Variants in MTMR2 observed in about 807,000 individuals in gnomAD.
The protein encoded by MTMR2 is myotubularin related protein 2.
MTMR2 carries 55 observed loss-of-function variants against 86.9 expected under a neutral mutation model. That is an observed-to-expected ratio of 0.63 (90% CI 0.51 to 0.79). The LOEUF is 0.79. Among genes scored for constraint, MTMR2 ranks in the 30% least tolerant of loss-of-function variants. MTMR2 has a pLI of 0.00. For synonymous variants in MTMR2, 241 were observed against 266.8 expected (o/e 0.90, Z 0.94); for missense variants, 659 against 772.3 (o/e 0.85, Z 1.74).
intron 1 of MTMR2, among the ~76,000 whole-genome samples, chr11:95,903,394 T>C (rs1432896233): frequency 6.6e-6 from 1 of 152,150 alleles, no homozygotes; most frequent in African/African-American, 2.4e-5. Context: ...GCTTACTTCA[T>C]AGTACTTACT....
intron 1 of MTMR2, among the ~76,000 whole-genome samples, chr11:95,923,495 A>T (rs1867009038): frequency 6.6e-6 from 1 of 151,826 alleles, no homozygotes; most frequent in African/African-American, 2.4e-5. Flanking sequence ...TGACTTTAGG[A>T]TGGTTTTGGA....
At chr11:95,890,448 T>G (rs991869665) in intron 1 of MTMR2, among the ~76,000 whole-genome samples, 1 of 152,194 alleles carries the variant, frequency 6.6e-6, no homozygotes, top group Admixed American at 6.5e-5. Flanking sequence ...CTCTTCCTTG[T>G]GGCTAGGAGA....
chr11:95,857,614 T>G lies in MTMR2; in HGVS notation c.592A>C (p.Lys198Gln). ...CACCCATTTTCAGGGAATACTTCTTTGTATTCAAAAGCAAAAAGAGGCTAC... is the reference window on the plus strand; with the variant it reads ...CACCCATTTTCAGGGAATACTTCTTGGTATTCAAAAGCAAAAAGAGGCTAC... Reference protein sequence around the residue: ...NNLPLFAFEYKEVFPENGWKL... With the variant: ...NNLPLFAFEYQEVFPENGWKL... Residue 198 changes from lysine to glutamine, a missense_variant, in exon 7 of 15, where the codon AAA (lysine) becomes CAA (glutamine). This residue lies in a region of MTMR2 where 387 missense variants were observed against 526.3 expected (regional missense o/e 0.74). Coordinates refer to ENST00000346299, the MANE Select transcript of MTMR2 (RefSeq NM_016156.6). 6.2e-7 allele frequency: 1 copy of G among 1,611,956 alleles called. No individual in the cohort carries two copies. The highest frequency in any genetic ancestry group is 8.5e-7 in the Non-Finnish European group (1 of 1,178,362).
In MTMR2 at chr11:95,850,668, C is replaced by G; in HGVS notation, c.736G>C (p.Val246Leu). 6.2e-7 allele frequency: 1 copy of G among 1,614,114 alleles called. No homozygotes were observed. The highest frequency in any genetic ancestry group is 8.5e-7 in the Non-Finnish European group (1 of 1,179,970). Residue 246 changes from valine to leucine, a missense_variant, in exon 8 of 15, where the codon GTG becomes CTG. By Grantham distance (32) the Val-to-Leu change is conservative. Coordinates refer to ENST00000346299, the MANE Select transcript of MTMR2 (RefSeq NM_016156.6). ...TCTTCATCAGGAATATTTGCTGGCA[C>G]AACCAGGAGGGCAGGGTATGTATCA... ...LCDTYPALLV[V>L]PANIPDEELK...
At chr11:95,874,546 C>T (rs1173414751) in intron 2 of MTMR2, among the ~76,000 whole-genome samples, 1 of 152,104 alleles carries the variant, frequency 6.6e-6, no homozygotes, top group Non-Finnish European at 1.5e-5. Context: ...GACTCTTTAT[C>T]CAATTTGCCA....
intron 2 of MTMR2, among the ~76,000 whole-genome samples, chr11:95,879,179 G>A (rs987019082): frequency 6.6e-6 from 1 of 152,112 alleles, no homozygotes; most frequent in East Asian, 1.9e-4. Flanking sequence ...AAAAATGTGG[G>A]AGTCATCCAA....
At chr11:95,877,332 C>CTTTTTTTTT (rs764782930) in intron 2 of MTMR2, among the ~76,000 whole-genome samples, 3 of 106,304 alleles carry the variant, frequency 2.8e-5, no homozygotes, top group Admixed American at 1.1e-4. Flanking sequence ...CAGGGAAGCC[C>CTTTTTTTTT]TTTTTTTTTT....
chr11:95,862,137 CAATT>C, intron 4 of MTMR2, 35 bp from the exon 5 acceptor site: 1 of 1,541,674 alleles, frequency 6.5e-7, no homozygotes, highest in Non-Finnish European at 8.9e-7. Flanking sequence ...TAAAACTGAG[CAATT>C]AATACTGTCC....
At chr11:95,882,011 A>G (rs558573024) in intron 2 of MTMR2, among the ~76,000 whole-genome samples, 2 of 152,126 alleles carry the variant, frequency 1.3e-5, no homozygotes, top group South Asian at 2.1e-4. Flanking sequence ...TTAAGAGTTG[A>G]TATTGTTGGT....
chr11:95,870,394 C>T (rs569229197), intron 2 of MTMR2, among the ~76,000 whole-genome samples: 3 of 151,248 alleles, frequency 2.0e-5, no homozygotes, highest in Non-Finnish European at 4.4e-5. Flanking sequence ...ATGGCATGGT[C>T]AAGGAGGGCA....
In MTMR2 at chr11:95,908,179, T is replaced by G. The variant is rs1020608043; in HGVS notation, c.80+15696A>C. ...TACAAAATCAATGTATGAAAGTCAG[T>G]AGTATTTCTATACACGAACAAAATT... On this transcript the variant is annotated intron_variant, in intron 1 of 14. Coordinates refer to ENST00000346299, the MANE Select transcript of MTMR2 (RefSeq NM_016156.6). Among the ~76,000 whole-genome samples the G allele has an allele frequency of 2.0e-5, 3 of 151,780 alleles. No homozygotes were observed. In the Admixed American group the frequency reaches 2.0e-4, roughly 10 times the overall value.
intron 7 of MTMR2, among the ~76,000 whole-genome samples, chr11:95,853,938 A>T (rs1335296556): frequency 6.6e-6 from 1 of 152,072 alleles, no homozygotes; most frequent in East Asian, 1.9e-4. Context: ...ACCATCCCCC[A>T]ACCCAGAAAG....
intron 2 of MTMR2, among the ~76,000 whole-genome samples, chr11:95,881,726 T>C (rs547045888): frequency 2.3e-4 from 35 of 152,290 alleles, no homozygotes; most frequent in African/African-American, 7.5e-4. Flanking sequence ...GTAGTTTGTA[T>C]ATAGATTTTC....
At chr11:95,837,586 A>C (rs1266723756) in intron 13 of MTMR2, among the ~76,000 whole-genome samples, 1 of 152,022 alleles carries the variant, frequency 6.6e-6, no homozygotes, top group East Asian at 1.9e-4. Context: ...GAAAAGGGAT[A>C]ACGAAAAACT....
At chr11:95,890,856 T>A (rs1396944666) in intron 1 of MTMR2, among the ~76,000 whole-genome samples, 1 of 152,086 alleles carries the variant, frequency 6.6e-6, no homozygotes, top group East Asian at 1.9e-4. Context: ...CTGGGCAACA[T>A]GCCAAGAACT....
Position 95,835,066 on chromosome 11 carries a change from T to C in MTMR2, c.*224A>G. On this transcript the variant is annotated 3_prime_UTR_variant, in exon 15 of 15. Transcript: ENST00000346299. Reference sequence around the variant, plus strand: ...TTGAAGTATTTTAATATTCTTTGGATACTTAAAAGATTAGTATCATAATCA... The same window carrying C: ...TTGAAGTATTTTAATATTCTTTGGACACTTAAAAGATTAGTATCATAATCA... The C allele has an allele frequency of 1.8e-6, 1 of 545,830 alleles. No individual in the cohort carries two copies. The highest frequency in any genetic ancestry group is 3.3e-6 in the Non-Finnish European group (1 of 303,936). 33.8% of individuals were successfully genotyped at this position (545,830 alleles called of 1,614,324 possible).
intron 1 of MTMR2, among the ~76,000 whole-genome samples, chr11:95,918,172 C>T (rs1375105215): frequency 6.6e-6 from 1 of 152,164 alleles, no homozygotes; most frequent in Non-Finnish European, 1.5e-5. Context: ...GATTGCATTA[C>T]AAAAGGCACC....
chr11:95,910,219 C>G (rs1866447377), intron 1 of MTMR2, among the ~76,000 whole-genome samples: 2 of 151,708 alleles, frequency 1.3e-5, no homozygotes, highest in Admixed American at 1.3e-4. Context: ...AATTTCACCA[C>G]CAGTATTTTT....
At chr11:95,863,871 A>G (rs1001719619) in intron 3 of MTMR2, among the ~76,000 whole-genome samples, 1 of 152,130 alleles carries the variant, frequency 6.6e-6, no homozygotes, top group African/African-American at 2.4e-5. Flanking sequence ...TGTACCCTCT[A>G]TCATTCCTCA....
Sources: gnomAD v4.1 joint callset for allele counts (sites outside exome capture counted in the v4.1 genomes callset) on GRCh38, gnomAD v4.1.1 for gene constraint, gnomAD v4.1.1 regional missense constraint, MANE v1.5 for transcripts, NCBI Gene and HGNC (gene_info 2026-07-23, HGNC 2026-07-21) for gene names.